The following CFAP96 variants were observed in gnomAD, a reference collection of about 807,000 sequenced individuals.
The protein encoded by CFAP96 is cilia and flagella associated protein 96, also known as cilia-and flagella-associated protein 96.
At chr4:185,422,051 G>A in the CFAP96 span, among the ~76,000 whole-genome samples, 1 of 152,148 alleles carries the variant, frequency 6.6e-6, no homozygotes, top group Non-Finnish European at 1.5e-5. Flanking sequence ...CCTAGAATCT[G>A]CTTCATATAA....
chr4:185,431,998 T>G, the CFAP96 span: 1 of 1,551,402 alleles, frequency 6.4e-7, no homozygotes, highest in African/African-American at 1.4e-5. Flanking sequence ...TTAATGAGGC[T>G]GCAAGCAAAA....
the CFAP96 span, among the ~76,000 whole-genome samples, chr4:185,409,051 T>C: frequency 1.3e-5 from 2 of 152,164 alleles, no homozygotes; most frequent in Non-Finnish European, 2.9e-5. Context: ...CTGTGTCTTA[T>C]CCATTTTTGG....
At chr4:185,413,665 C>CA in the CFAP96 span, 5 of 1,502,704 alleles carry the variant, frequency 3.3e-6, no homozygotes, top group Non-Finnish European at 4.5e-6. Context: ...TGGGTACCAA[C>CA]AAAAAACAAC....
the CFAP96 span, chr4:185,449,719 TATAAG>T: frequency 9.9e-7 from 1 of 1,010,142 alleles, no homozygotes; most frequent in East Asian, 2.8e-5. Flanking sequence ...TTTGAAAAAA[TATAAG>T]ATGTTATGGA....
chr4:185,425,791 C>T, the CFAP96 span: 3 of 1,566,110 alleles, frequency 1.9e-6, no homozygotes, highest in Non-Finnish European at 1.7e-6. Flanking sequence ...CTTTCAGGCG[C>T]TGTGAAGCCC....
At chr4:185,440,373 C>G in the CFAP96 span, among the ~76,000 whole-genome samples, 1 of 152,054 alleles carries the variant, frequency 6.6e-6, no homozygotes. Context: ...GTAGGCATAT[C>G]TTTTGTATCA....
the CFAP96 span, chr4:185,431,994 A>G: frequency 6.4e-7 from 1 of 1,551,186 alleles, no homozygotes; most frequent in East Asian, 2.4e-5. Flanking sequence ...CCCTTTAATG[A>G]GGCTGCAAGC....
At chr4:185,441,063 G>A in the CFAP96 span, among the ~76,000 whole-genome samples, 2 of 151,848 alleles carry the variant, frequency 1.3e-5, no homozygotes, top group Non-Finnish European at 2.9e-5. Context: ...CAATACTCCT[G>A]CATCAGCCTC....
the CFAP96 span, among the ~76,000 whole-genome samples, chr4:185,419,089 C>G: frequency 4.6e-5 from 7 of 152,098 alleles, no homozygotes; most frequent in African/African-American, 7.2e-5. Flanking sequence ...TTCTCATTCC[C>G]CCTACTTTTC....
chr4:185,445,306 C>T, the CFAP96 span: 3 of 708,846 alleles, frequency 4.2e-6, no homozygotes, highest in African/African-American at 1.8e-5. Flanking sequence ...TAGAAGTTCT[C>T]CCCCATCTTC....
chr4:185,440,442 A>C, the CFAP96 span: 1 of 754,288 alleles, frequency 1.3e-6, no homozygotes, highest in Non-Finnish European at 2.1e-6. Flanking sequence ...GGATAGATTT[A>C]AGAATCATAT....
chr4:185,419,086 TCCCC>T, the CFAP96 span, among the ~76,000 whole-genome samples: 5 of 152,116 alleles, frequency 3.3e-5, no homozygotes, highest in African/African-American at 1.2e-4. Flanking sequence ...CGTTTCTCAT[TCCCC>T]CTACTTTTCT....
the CFAP96 span, among the ~76,000 whole-genome samples, chr4:185,436,717 A>ATAATAATAATAATAG: frequency 6.7e-6 from 1 of 148,368 alleles, no homozygotes; most frequent in Admixed American, 6.8e-5. Flanking sequence ...CTCAAAAATA[A>ATAATAATAATAATAG]TAATAATAAT....
the CFAP96 span, among the ~76,000 whole-genome samples, chr4:185,434,946 G>T: frequency 1.3e-5 from 2 of 151,962 alleles, no homozygotes; most frequent in Admixed American, 1.3e-4. Flanking sequence ...TCGCCATGTT[G>T]GCCAGGCTGG....
At chr4:185,449,800 T>TTATTA in the CFAP96 span, 1 of 507,954 alleles carries the variant, frequency 2.0e-6, no homozygotes, top group Non-Finnish European at 3.5e-6. Flanking sequence ...TTAATACTAC[T>TTATTA]AGTTAATAAA....
the CFAP96 span, among the ~76,000 whole-genome samples, chr4:185,436,564 G>A: frequency 2.6e-5 from 4 of 151,898 alleles, no homozygotes; most frequent in African/African-American, 7.3e-5. Context: ...ACAAAAATTA[G>A]CCAGGTGTGG....
chr4:185,448,980 T>C, the CFAP96 span, among the ~76,000 whole-genome samples: 1 of 152,214 alleles, frequency 6.6e-6, no homozygotes, highest in Admixed American at 6.5e-5. Context: ...TTATAATACA[T>C]TATCAAAACA....
chr4:185,443,851 TTA>T, the CFAP96 span, among the ~76,000 whole-genome samples: 1 of 151,832 alleles, frequency 6.6e-6, no homozygotes, highest in African/African-American at 2.4e-5. Context: ...AGTTTTCTTG[TTA>T]TTGTAAGCTT....
chr4:185,448,732 T>C, the CFAP96 span, among the ~76,000 whole-genome samples: 1 of 152,122 alleles, frequency 6.6e-6, no homozygotes. Context: ...ACAGTAAAAT[T>C]AGAATTTTCC....
Sources: allele counts gnomAD v4.1 joint callset (sites outside exome capture counted in the v4.1 genomes callset), GRCh38; gene constraint gnomAD v4.1.1; transcripts MANE v1.5; gene names NCBI Gene and HGNC (gene_info 2026-07-23, HGNC 2026-07-21).